NRG1: variants seen among roughly 807,000 people sequenced by gnomAD.
NRG1 encodes the protein pro-neuregulin-1, membrane-bound isoform.
A neutral mutation model predicts 63.8 loss-of-function variants in NRG1; 18 were observed. That is an observed-to-expected ratio of 0.28 (90% confidence interval 0.19 to 0.42). The LOEUF (loss-of-function observed/expected upper bound fraction) is 0.42. Ranked by LOEUF, NRG1 falls within the 10% of genes least tolerant of loss-of-function variation. The probability of loss-of-function intolerance (pLI) is 1.00; values close to 1 mark genes in which losing one functional copy is unlikely to be tolerated. For synonymous variants in NRG1, 302 were observed against 301.3 expected (o/e 1.00, Z -0.02); for missense variants, 762 against 814.7 (o/e 0.94, Z 0.79).
At chr8:32,399,466 G>A (rs1812883099) in intron 1 of NRG1, among the ~76,000 whole-genome samples, 1 of 152,312 alleles carries the variant, frequency 6.6e-6, no homozygotes, top group African/African-American at 2.4e-5. Flanking sequence ...GGCCAAGGCG[G>A]GGCAGAGGGC....
chr8:31,687,014 C>A (rs1052445056), intron 1 of NRG1, among the ~76,000 whole-genome samples: 1 of 152,140 alleles, frequency 6.6e-6, no homozygotes, highest in Admixed American at 6.6e-5. Flanking sequence ...AAGGATCTGC[C>A]AGCCTCGGCC....
At chr8:32,713,428 A>G (rs759057531) in intron 5 of NRG1, among the ~76,000 whole-genome samples, 14 of 152,054 alleles carry the variant, frequency 9.2e-5, no homozygotes, top group Non-Finnish European at 1.9e-4. Context: ...CGCCTTATTT[A>G]CCTTACAAAA....
At chr8:32,556,358 A>AT (rs1835175244) in intron 1 of NRG1, among the ~76,000 whole-genome samples, 1 of 152,234 alleles carries the variant, frequency 6.6e-6, no homozygotes, top group Admixed American at 6.5e-5. Flanking sequence ...TCCATATTAA[A>AT]TGAATTTAGC....
intron 1 of NRG1, among the ~76,000 whole-genome samples, chr8:32,491,116 T>C (rs1189816402): frequency 6.6e-6 from 1 of 152,204 alleles, no homozygotes; most frequent in African/African-American, 2.4e-5. Context: ...TAACTATCCC[T>C]ACCTTGCAGA....
At chr8:32,045,860 G>T (rs994736502) in intron 1 of NRG1, among the ~76,000 whole-genome samples, 1 of 151,904 alleles carries the variant, frequency 6.6e-6, no homozygotes, top group Non-Finnish European at 1.5e-5. Context: ...ATGTTTAGAA[G>T]AAAATCTTCA....
intron 1 of NRG1, among the ~76,000 whole-genome samples, chr8:31,930,697 C>G (rs186691653): frequency 6.6e-6 from 1 of 152,050 alleles, no homozygotes; most frequent in Admixed American, 6.6e-5. Context: ...GCTATGTAAC[C>G]TTTTATAATT....
At chr8:32,311,764 G>A (rs931081741) in intron 1 of NRG1, among the ~76,000 whole-genome samples, 1 of 152,128 alleles carries the variant, frequency 6.6e-6, no homozygotes, top group Non-Finnish European at 1.5e-5. Flanking sequence ...CTCTGTTTCA[G>A]TAGGGCCCAG....
chr8:31,775,591 A>T (rs540837562), intron 1 of NRG1, among the ~76,000 whole-genome samples: 103 of 152,296 alleles, frequency 6.8e-4, no homozygotes, highest in African/African-American at 2.4e-3. Flanking sequence ...AATATATTTT[A>T]AAAATCCATA....
chr8:32,362,117 T>G (rs1019329584), intron 1 of NRG1, among the ~76,000 whole-genome samples: 1 of 152,218 alleles, frequency 6.6e-6, no homozygotes, highest in African/African-American at 2.4e-5. Context: ...TGGCATTAAT[T>G]TATTATGACC....
At chr8:31,725,255 A>G (rs1585946722) in intron 1 of NRG1, among the ~76,000 whole-genome samples, 1 of 152,128 alleles carries the variant, frequency 6.6e-6, no homozygotes, top group African/African-American at 2.4e-5. Context: ...TTGGGATTGC[A>G]TTTACTGAGC....
rs745666518 is a variant in NRG1 at position 32,471,655 on chromosome 8, G to A, written c.38-124173G>A. 3.9e-5 allele frequency among the ~76,000 whole-genome samples: 6 copies of A among 151,922 alleles called. No individual in the cohort carries two copies. In the East Asian group the frequency reaches 5.8e-4, roughly 15 times the overall value. Reference sequence around the variant, plus strand: ...AAAAAAATCCCCCAAGATAGAGTCCGTGCTTAGAAACTACCCCTGTTAAAT... The same window carrying A: ...AAAAAAATCCCCCAAGATAGAGTCCATGCTTAGAAACTACCCCTGTTAAAT... On this transcript the variant is annotated intron_variant, in intron 1 of 10. Coordinates refer to the NRG1 transcript ENST00000519301.
At chr8:31,690,492 C>T (rs1809382151) in intron 1 of NRG1, among the ~76,000 whole-genome samples, 1 of 152,166 alleles carries the variant, frequency 6.6e-6, no homozygotes, top group African/African-American at 2.4e-5. Context: ...CAAGACTGAT[C>T]AAGTAACAGC....
chr8:31,844,893 G>T (rs1334691312), intron 1 of NRG1, among the ~76,000 whole-genome samples: 4 of 151,926 alleles, frequency 2.6e-5, no homozygotes, highest in African/African-American at 9.7e-5. Flanking sequence ...AGGATCATGA[G>T]GTCAGAAGTT....
At chr8:32,592,831 C>T (rs1314921796) in intron 1 of NRG1, among the ~76,000 whole-genome samples, 3 of 152,134 alleles carry the variant, frequency 2.0e-5, no homozygotes, top group African/African-American at 7.2e-5. Context: ...GTGCCAATCC[C>T]CTGTGTGGCC....
At chr8:32,197,890 G>A (rs1194983192) in intron 1 of NRG1, among the ~76,000 whole-genome samples, 1 of 152,084 alleles carries the variant, frequency 6.6e-6, no homozygotes, top group Non-Finnish European at 1.5e-5. Context: ...CCAAGTCTTA[G>A]GTAAAAATTG....
intron 1 of NRG1, among the ~76,000 whole-genome samples, chr8:32,293,722 T>C (rs1363658814): frequency 4.2e-4 from 54 of 128,414 alleles, no homozygotes; most frequent in African/African-American, 1.5e-3. Flanking sequence ...CTTCTTCTTT[T>C]TTTTTTTTTT....
intron 5 of NRG1, among the ~76,000 whole-genome samples, chr8:32,704,649 C>G (rs1815871702): frequency 6.6e-6 from 1 of 152,182 alleles, no homozygotes; most frequent in Non-Finnish European, 1.5e-5. Context: ...TAAGTGTTGC[C>G]TGCACTTCTG....
chr8:32,203,887 A>G (rs1313917287), intron 1 of NRG1, among the ~76,000 whole-genome samples: 2 of 152,210 alleles, frequency 1.3e-5, no homozygotes, highest in Admixed American at 1.3e-4. Context: ...ATACCCATGG[A>G]TAGTTCTGTG....
At chr8:31,726,998 G>A (rs1157980190) in intron 1 of NRG1, among the ~76,000 whole-genome samples, 2 of 152,064 alleles carry the variant, frequency 1.3e-5, no homozygotes, top group Non-Finnish European at 2.9e-5. Context: ...ATTACAACAG[G>A]CTATTCTTAT....
Sources: gnomAD v4.1 joint callset for allele counts (sites outside exome capture counted in the v4.1 genomes callset) on GRCh38, gnomAD v4.1.1 for gene constraint, MANE v1.5 for transcripts, NCBI Gene and HGNC (gene_info 2026-07-23, HGNC 2026-07-21) for gene names.